WASL: variants seen among roughly 807,000 people sequenced by gnomAD.
WASL encodes actin nucleation-promoting factor WASL.
WASL carries 20 observed loss-of-function variants against 55.5 expected under a neutral mutation model. The observed-to-expected ratio is 0.36, with a 90% CI of 0.25 to 0.52. The LOEUF is 0.52. Among genes scored for constraint, WASL ranks in the 20% least tolerant of loss-of-function variants. The probability of loss-of-function intolerance (pLI) is 0.92; values close to 1 mark genes in which losing one functional copy is unlikely to be tolerated. For synonymous variants in WASL, 249 were observed against 217.6 expected, an observed-to-expected ratio of 1.14 and a Z score of -1.27; for missense variants, 504 against 622.5, an observed-to-expected ratio of 0.81 and a Z score of 2.03.
chr7:123,684,495 ATAT>A lies in WASL; in HGVS notation c.*21_*23del. ...GTGTTTAGTATTTCACCTTAAAAAT[ATAT>A]ATATATATATAATATATAGATCAGT... On this transcript the variant is annotated 3_prime_UTR_variant, in exon 11 of 11. Transcript: ENST00000223023. 9.3e-6 allele frequency: 3 copies of A among 321,082 alleles called. No individual in the cohort carries two copies. The highest frequency in any genetic ancestry group is 6.8e-5 in the East Asian group (1 of 14,706). The allele number at this position is 321,082 out of a possible 1,614,324, so 19.9% of individuals were successfully genotyped here.
intron 10 of WASL, among the ~76,000 whole-genome samples, chr7:123,688,471 C>T (rs1000562240): frequency 6.6e-6 from 1 of 152,142 alleles, no homozygotes. Context: ...AGCAATTCTC[C>T]TGCCTCAGCC....
At position 123,692,351 on chromosome 7, in the gene WASL, T is replaced by C. The variant is rs1371693954; in HGVS notation, c.1343A>G (p.Lys448Arg). 6.2e-7 allele frequency: 1 copy of C among 1,604,452 alleles called. No individual in the cohort carries two copies. Among genetic ancestry groups the C allele is most frequent in the African/African-American group, 1.3e-5 (1 of 74,278 alleles). Residue 448 changes from lysine (K) to arginine (R), a missense_variant, in exon 9 of 11, where the codon AAA becomes AGA. By Grantham distance (26) the Lys-to-Arg change is conservative (BLOSUM62 2). This residue lies in a region of WASL where 53 missense variants were observed against 69.1 expected (regional missense o/e 0.77). Coordinates refer to ENST00000223023, the MANE Select transcript of WASL (RefSeq NM_003941.4). ...AAAAAAAAAAAGCTTACTTACAGAT[T>C]TTAGTTGGATACCCTGTCGTATCTG... ...LDQIRQGIQL[K>R]SVADGQESTP...
In WASL at chr7:123,684,562, T is replaced by C; in HGVS notation, c.1475A>G (p.Asp492Gly). The change falls in exon 11 of 11, where the codon GAT becomes GGT. Residue 492 changes from aspartate to glycine, a missense_variant. Physicochemically the swap from Asp to Gly is moderately conservative, Grantham distance 94 (BLOSUM62 -1). Transcript: ENST00000223023. ...IHSSDEDEDE[D>G]DEEDFEDDDE... The stretch of plus-strand genomic sequence containing the variant: ...ATCATCCTCAAAATCTTCTTCATCA[T>C]CTTCATCTTCATCTTCATCTACAAG... The C allele has an allele frequency of 7.0e-7, 1 of 1,431,528 alleles. No individual in the cohort carries two copies. The highest frequency in any genetic ancestry group is 9.6e-7 in the Non-Finnish European group (1 of 1,045,284). The allele number at this position is 1,431,528 out of a possible 1,614,324, so 88.7% of individuals were successfully genotyped here.
At chr7:123,704,415 C>T (rs1427409687) in intron 5 of WASL, among the ~76,000 whole-genome samples, 2 of 152,002 alleles carry the variant, frequency 1.3e-5, no homozygotes, top group Non-Finnish European at 2.9e-5. Flanking sequence ...ATATTGTTTC[C>T]TAAGTCTCAT....
At chr7:123,727,353 T>TCGCA (rs1554406247) in intron 1 of WASL, among the ~76,000 whole-genome samples, 1 of 147,710 alleles carries the variant, frequency 6.8e-6, no homozygotes, top group Non-Finnish European at 1.5e-5. Flanking sequence ...AAAATATGTG[T>TCGCA]CACACACACA....
intron 1 of WASL, among the ~76,000 whole-genome samples, chr7:123,748,111 A>T (rs1454729690): frequency 6.6e-6 from 1 of 152,152 alleles, no homozygotes; most frequent in Non-Finnish European, 1.5e-5. Context: ...AAGAGAGCCC[A>T]GGCTCTTGCA....
chr7:123,746,853 T>C (rs1353776620), intron 1 of WASL, among the ~76,000 whole-genome samples: 2 of 152,250 alleles, frequency 1.3e-5, no homozygotes, highest in African/African-American at 4.8e-5. Context: ...ATGTCCTTTC[T>C]GCCTAAAGTT....
At chr7:123,708,954 C>A in intron 2 of WASL, 135 bp downstream of exon 2, 1 of 842,846 alleles carries the variant, frequency 1.2e-6, no homozygotes, top group Non-Finnish European at 1.6e-6. Context: ...ATCTAAAAAC[C>A]AAGCTTCACT....
At chr7:123,691,642 C>T (rs1287154700) in intron 9 of WASL, among the ~76,000 whole-genome samples, 1 of 152,162 alleles carries the variant, frequency 6.6e-6, no homozygotes, top group Non-Finnish European at 1.5e-5. Context: ...CTACCTGATC[C>T]TTTATAGGAA....
In WASL at chr7:123,732,089, A is replaced by G. The variant is rs1459261574; in HGVS notation, c.117+16529T>C. 3.3e-5 allele frequency among the ~76,000 whole-genome samples: 5 copies of G among 152,174 alleles called. No homozygotes were observed. The South Asian group carries it at 6.2e-4, about 19-fold the overall frequency. ...ACACCTGTAATCCCAGCACTTTGGGAGGCCAAGGCAGGCAGATCACGAGAT... is the reference window on the plus strand; with the variant it reads ...ACACCTGTAATCCCAGCACTTTGGGGGGCCAAGGCAGGCAGATCACGAGAT... On this transcript the variant is annotated intron_variant, in intron 1 of 10. Transcript: ENST00000223023.
intron 1 of WASL, among the ~76,000 whole-genome samples, chr7:123,735,791 G>A (rs1389353002): frequency 1.3e-5 from 2 of 151,980 alleles, no homozygotes; most frequent in African/African-American, 4.8e-5. Context: ...GGACAGGGAG[G>A]AAAAAATGCT....
chr7:123,710,504 G>A (rs1803738035), intron 1 of WASL, among the ~76,000 whole-genome samples: 1 of 151,982 alleles, frequency 6.6e-6, no homozygotes, highest in Non-Finnish European at 1.5e-5. Context: ...GAATTTCAAA[G>A]AACAATTATA....
At position 123,692,603 on chromosome 7, in the gene WASL, G is replaced by C. The variant is rs1434320918; in HGVS notation, c.1091C>G (p.Ser364Cys). ...APSGPPPPPP[S>C]VLGVGPVAPP... is the part of the protein sequence containing the mutation. The stretch of plus-strand genomic sequence containing the variant: ...TGCCACTGGCCCTACCCCCAACACA[G>C]ATGGAGGTGGTGGTGGAGGCCCTGA... The change falls in exon 9 of 11, where the codon TCT (serine) becomes TGT (cysteine). Residue 364 changes from serine (S) to cysteine (C), a missense_variant. By Grantham distance (112) the Ser-to-Cys change is moderately radical (BLOSUM62 -1). Around this residue, in one of 5 missense-constraint regions of WASL, gnomAD observed 201 missense variants for 206.2 expected, o/e 0.97. Coordinates refer to ENST00000223023, the MANE Select transcript of WASL (RefSeq NM_003941.4). 2 of 1,605,922 alleles carry C rather than the reference G, an allele frequency of 1.2e-6. No homozygotes were observed. The highest frequency in any genetic ancestry group is 1.7e-6 in the Non-Finnish European group (2 of 1,176,160).
intron 1 of WASL, among the ~76,000 whole-genome samples, chr7:123,719,377 C>T (rs1289254795): frequency 6.6e-6 from 1 of 152,186 alleles, no homozygotes; most frequent in Non-Finnish European, 1.5e-5. Context: ...CTCTCTGACT[C>T]TCCTTTCACT....
rs10267363 is a variant in WASL, at chr7:123,711,525, T to C, written c.118-2302A>G. 8.2e-3 allele frequency among the ~76,000 whole-genome samples: 1,253 copies of C among 152,320 alleles called. 18 individuals are homozygous for C. Among genetic ancestry groups the C allele is most frequent in the African/African-American group, 0.029 (1,189 of 41,580 alleles). ...TCTATTTCATTAATTCTTACCTTCA[T>C]CTGGCAGTCTGAAAATGACATACCA... On this transcript the variant is annotated intron_variant, in intron 1 of 10. Coordinates refer to ENST00000223023, the MANE Select transcript of WASL (RefSeq NM_003941.4).
At position 123,748,803 on chromosome 7, in the gene WASL, T is replaced by A; in HGVS notation, c.-69A>T. On this transcript the variant is annotated 5_prime_UTR_variant, in exon 1 of 11. Coordinates refer to ENST00000223023, the MANE Select transcript of WASL (RefSeq NM_003941.4). The stretch of plus-strand genomic sequence containing the variant: ...CGAGTGGGCGAGAGCTCGTTCCCCC[T>A]CTCGGTGACAGGGGCGGGGAGAAGT... 1 of 1,308,556 alleles carries A rather than the reference T, an allele frequency of 7.6e-7. No individual in the cohort carries two copies. Among genetic ancestry groups the A allele is most frequent in the Non-Finnish European group, 1.0e-6 (1 of 979,578 alleles). The allele number at this position is 1,308,556 out of a possible 1,614,324, so 81.1% of individuals were successfully genotyped here. A position where few individuals can be genotyped will look rare whatever the true frequency, so the allele number is the denominator to read the frequency against.
At chr7:123,697,422 G>T (rs1325691442) in intron 5 of WASL, among the ~76,000 whole-genome samples, 2 of 152,104 alleles carry the variant, frequency 1.3e-5, no homozygotes, top group African/African-American at 4.8e-5. Flanking sequence ...TTCAGAAGTG[G>T]TACTAAATGT....
chr7:123,723,813 C>T (rs1176828562), intron 1 of WASL, among the ~76,000 whole-genome samples: 1 of 152,108 alleles, frequency 6.6e-6, no homozygotes, highest in Non-Finnish European at 1.5e-5. Context: ...CTTTGGATTC[C>T]ATGGGATCCT....
chr7:123,691,018 G>A (rs1212766909), intron 9 of WASL, among the ~76,000 whole-genome samples: 1 of 152,118 alleles, frequency 6.6e-6, no homozygotes, highest in East Asian at 1.9e-4. Flanking sequence ...AGGTTTAAGT[G>A]TCATCCTGAA....
Sources: gnomAD v4.1 joint callset for allele counts (sites outside exome capture counted in the v4.1 genomes callset) on GRCh38, gnomAD v4.1.1 for gene constraint, gnomAD v4.1.1 regional missense constraint, MANE v1.5 for transcripts, NCBI Gene and HGNC (gene_info 2026-07-23, HGNC 2026-07-21) for gene names.